Variants in LINGO2 observed in about 807,000 individuals in gnomAD.
LINGO2 encodes the protein leucine-rich repeat and immunoglobulin-like domain-containing nogo receptor-interacting protein 2.
A neutral mutation model predicts 30.6 loss-of-function variants in LINGO2; 14 were observed. The observed-to-expected ratio is 0.46, with a 90% CI of 0.30 to 0.72. The LOEUF (loss-of-function observed/expected upper bound fraction) is 0.72. Among genes scored for constraint, LINGO2 ranks in the 30% least tolerant of loss-of-function variants. The pLI is 0.07. For missense variants in LINGO2, 729 were observed against 751.7 expected (o/e 0.97, Z 0.35); for synonymous variants, 317 against 288.5 (o/e 1.10, Z -1.00).
chr9:27,938,102 C>T, the LINGO2 span: 2 of 151,714 alleles, frequency 1.3e-5, no homozygotes, highest in African/African-American at 4.8e-5. Context: ...ACACCCAGCA[C>T]CTGGAAGTGA....
chr9:28,563,303 A>G (rs1326114810), intron 1 of LINGO2, among the ~76,000 whole-genome samples: 2 of 152,124 alleles, frequency 1.3e-5, no homozygotes, highest in Admixed American at 1.3e-4. Context: ...CTCTCTGGGA[A>G]TATCAATAAA....
chr9:28,725,791 T>G, the LINGO2 span, among the ~76,000 whole-genome samples: 2 of 144,262 alleles, frequency 1.4e-5, no homozygotes, highest in East Asian at 4.1e-4. Flanking sequence ...AAAGGAAACT[T>G]AAAAATTAAC....
chr9:28,206,597 A>G (rs182678271), intron 4 of LINGO2, among the ~76,000 whole-genome samples: 94 of 152,276 alleles, frequency 6.2e-4, no homozygotes, highest in Non-Finnish European at 6.5e-4. Context: ...TTGAACTAGA[A>G]TGACTCCATA....
chr9:28,632,053 G>A (rs2135881210), intron 1 of LINGO2, among the ~76,000 whole-genome samples: 1 of 152,292 alleles, frequency 6.6e-6, no homozygotes, highest in South Asian at 2.1e-4. Flanking sequence ...GCAGGAGGGA[G>A]TGCAGAAAAT....
At chr9:28,017,875 CA>C (rs1822918346) in intron 4 of LINGO2, among the ~76,000 whole-genome samples, 1 of 151,956 alleles carries the variant, frequency 6.6e-6, no homozygotes, top group Non-Finnish European at 1.5e-5. Context: ...CATATGGAAA[CA>C]AAAAACAGCT....
At chr9:28,382,103 A>T (rs1821380549) in intron 2 of LINGO2, among the ~76,000 whole-genome samples, 1 of 152,076 alleles carries the variant, frequency 6.6e-6, no homozygotes, top group Admixed American at 6.6e-5. Flanking sequence ...TCTCTATTAA[A>T]TGGGGATAAT....
intron 1 of LINGO2, among the ~76,000 whole-genome samples, chr9:28,634,564 C>A (rs1827166234): frequency 6.7e-6 from 1 of 149,404 alleles, no homozygotes; most frequent in South Asian, 2.1e-4. Flanking sequence ...CAGCTCACTG[C>A]AACCACCGCC....
chr9:28,082,595 T>C (rs1037098118), intron 4 of LINGO2, among the ~76,000 whole-genome samples: 1 of 152,206 alleles, frequency 6.6e-6, no homozygotes, highest in African/African-American at 2.4e-5. Context: ...ACTAGAGGCT[T>C]TGAAAACTTT....
At chr9:29,018,045 G>T in the LINGO2 span, among the ~76,000 whole-genome samples, 101,704 of 145,980 alleles carry the variant, frequency 0.7, 36,227 homozygotes, top group Non-Finnish European at 0.76. Context: ...TAGAGAGAGA[G>T]AGATCTATAT....
At chr9:28,598,357 G>A (rs2135734956) in intron 1 of LINGO2, among the ~76,000 whole-genome samples, 1 of 148,978 alleles carries the variant, frequency 6.7e-6, no homozygotes, top group African/African-American at 2.5e-5. Flanking sequence ...TAGCTCAGAT[G>A]GAATTGTATA....
rs1483882981 is a variant in LINGO2, at chr9:28,561,747, G to GTA, written c.-364-85723_-364-85722insTA. Among the ~76,000 whole-genome samples, 48 of 35,848 alleles carry GTA rather than the reference G, an allele frequency of 1.3e-3. 3 individuals carry two copies. Among genetic ancestry groups the GTA allele is most frequent in the South Asian group, 0.01 (8 of 792 alleles). 23.5% of individuals were successfully genotyped at this position (35,848 alleles called of 152,430 possible). On this transcript the variant is annotated intron_variant, in intron 1 of 5. Transcript: ENST00000379992. ...ATTATATATAATTTTGTGTGTGTGTGTGTATATATATATATATATATATAT... is the reference window on the plus strand; with the variant it reads ...ATTATATATAATTTTGTGTGTGTGTGTATGTATATATATATATATATATATAT...
rs958827486 is a variant in LINGO2 at position 28,043,497 on chromosome 9, G to A, written c.-86-31092C>T. ...GAGACTGGAAACAAATTACGTAAAT[G>A]CATGTTTGCTTAATATTAGAAAAAC... is the stretch of plus-strand genomic sequence containing the variant. On this transcript the variant is annotated intron_variant, in intron 4 of 5. Transcript: ENST00000379992. Among the ~76,000 whole-genome samples the A allele has an allele frequency of 3.3e-5, 5 of 152,150 alleles. No homozygotes were observed. The South Asian group carries it at 1.0e-3, about 32-fold the overall frequency.
chr9:29,191,107 C>A, the LINGO2 span, among the ~76,000 whole-genome samples: 1 of 152,156 alleles, frequency 6.6e-6, no homozygotes, highest in South Asian at 2.1e-4. Flanking sequence ...CATTTGCCAC[C>A]ATTGCAGATA....
At chr9:28,494,026 T>C (rs1027228465) in intron 1 of LINGO2, among the ~76,000 whole-genome samples, 3 of 152,264 alleles carry the variant, frequency 2.0e-5, no homozygotes, top group African/African-American at 7.2e-5. Context: ...CCTTTATATA[T>C]ACATCTATGC....
chr9:27,943,248 G>C (rs182513365), downstream of LINGO2: 2 of 152,086 alleles, frequency 1.3e-5, no homozygotes, highest in Non-Finnish European at 2.9e-5. Context: ...TTTAGAACAG[G>C]CATAAAGTCT....
chr9:28,242,820 G>A (rs1026451440), intron 4 of LINGO2, among the ~76,000 whole-genome samples: 2 of 152,044 alleles, frequency 1.3e-5, no homozygotes, highest in African/African-American at 2.4e-5. Flanking sequence ...GCCAATATTC[G>A]ACATTCTTAA....
intron 4 of LINGO2, among the ~76,000 whole-genome samples, chr9:28,292,524 T>C (rs1319245621): frequency 6.7e-6 from 1 of 149,220 alleles, no homozygotes; most frequent in Non-Finnish European, 1.5e-5. Flanking sequence ...GTGCAATGGC[T>C]CGATCTTGGC....
chr9:28,682,926 C>G, the LINGO2 span, among the ~76,000 whole-genome samples: 1 of 151,828 alleles, frequency 6.6e-6, no homozygotes. Flanking sequence ...AAATTTTAAC[C>G]AAAGCCACAA....
chr9:28,657,356 A>T (rs914175639), intron 1 of LINGO2, among the ~76,000 whole-genome samples: 1 of 152,076 alleles, frequency 6.6e-6, no homozygotes, highest in Admixed American at 6.6e-5. Flanking sequence ...CATAAAATTT[A>T]CCAGTGCAGT....
Sources: gnomAD v4.1 joint callset for allele counts (sites outside exome capture counted in the v4.1 genomes callset) on GRCh38, gnomAD v4.1.1 for gene constraint, MANE v1.5 for transcripts, NCBI Gene and HGNC (gene_info 2026-07-23, HGNC 2026-07-21) for gene names.